ABCC8: variants seen among roughly 807,000 people sequenced by gnomAD.
The protein encoded by ABCC8 is ATP binding cassette subfamily C member 8.
Under a neutral mutation model 188.0 loss-of-function variants are expected in ABCC8, and 137 were observed. That is an observed-to-expected ratio of 0.73 (90% CI 0.63 to 0.84). The LOEUF is 0.84. Among genes scored for constraint, ABCC8 ranks in the 40% least tolerant of loss-of-function variants. The pLI is 0.00. For synonymous variants in ABCC8, 797 were observed against 846.5 expected, an observed-to-expected ratio of 0.94 and a Z score of 1.01; for missense variants, 1,750 against 2,072.7, an observed-to-expected ratio of 0.84 and a Z score of 3.02.
chr11:17,414,787 G>C, intron 18 of ABCC8, 177 bp from the exon 19 acceptor site: 3 of 781,506 alleles, frequency 3.8e-6, no homozygotes, highest in Non-Finnish European at 4.7e-6. Context: ...AGGTTTGAGA[G>C]GTCTGGGTCT....
intron 7 of ABCC8, among the ~76,000 whole-genome samples, chr11:17,450,250 TTC>T (rs1398018059): frequency 8.6e-5 from 6 of 70,162 alleles, no homozygotes; most frequent in Non-Finnish European, 1.5e-4. Context: ...TTCTTTTTCT[TTC>T]TTTCTTTCTC....
At chr11:17,397,577 A>G in intron 31 of ABCC8, 107 bp downstream of exon 31, 1 of 1,475,784 alleles carries the variant, frequency 6.8e-7, no homozygotes. Flanking sequence ...ATCAGATGCA[A>G]ATGAAATTGG....
At chr11:17,442,352 T>C (rs948813780) in intron 10 of ABCC8, among the ~76,000 whole-genome samples, 16 of 152,334 alleles carry the variant, frequency 1.1e-4, no homozygotes, top group African/African-American at 3.8e-4. Context: ...TCTGACTTAC[T>C]AAAAAGTCTT....
At chr11:17,424,843 G>A (rs752426716) in intron 16 of ABCC8, among the ~76,000 whole-genome samples, 6 of 152,202 alleles carry the variant, frequency 3.9e-5, no homozygotes, top group Non-Finnish European at 7.3e-5. Context: ...ACACTGACTA[G>A]TAAGTCACCC....
Position 17,469,155 on chromosome 11 carries a change from G to A in ABCC8, c.412+946C>T, listed in dbSNP as rs191507027. Among the ~76,000 whole-genome samples, 127 of 150,176 alleles carry A rather than the reference G, an allele frequency of 8.5e-4. 2 individuals carry two copies. The highest frequency in any genetic ancestry group is 2.9e-3 in the African/African-American group (118 of 40,790). On this transcript the variant is annotated intron_variant, in intron 3 of 38. Coordinates refer to ENST00000389817, the MANE Select transcript of ABCC8 (RefSeq NM_000352.6). Reference sequence around the variant, plus strand: ...CACCCAGGCTGGACTGCAGTGGCGCGATCTCAGCTCACTACAATCTCCACC... The same window carrying A: ...CACCCAGGCTGGACTGCAGTGGCGCAATCTCAGCTCACTACAATCTCCACC...
At chr11:17,428,240 C>T (rs1955677174) in intron 14 of ABCC8, 49 bp downstream of exon 14, 1 of 1,612,840 alleles carries the variant, frequency 6.2e-7, no homozygotes. Context: ...TGCTGAGCTC[C>T]CTCTGGGAGT....
chr11:17,433,787 T>C (rs904295716), intron 10 of ABCC8, among the ~76,000 whole-genome samples: 4 of 152,230 alleles, frequency 2.6e-5, no homozygotes, highest in African/African-American at 7.2e-5. Context: ...AGCCCTCGTA[T>C]GGCTGGGGCC....
intron 27 of ABCC8, among the ~76,000 whole-genome samples, chr11:17,405,261 C>T (rs1359016180): frequency 6.6e-6 from 1 of 152,250 alleles, no homozygotes; most frequent in East Asian, 1.9e-4. Flanking sequence ...TAGAGAAAGC[C>T]AGTGGGATCT....
rs750383415 is a variant in ABCC8 at position 17,476,729 on chromosome 11, C to T, written c.48G>A (p.Arg16=). 1.4e-5 allele frequency: 22 copies of T among 1,605,676 alleles called. No homozygotes were observed. The highest frequency in any genetic ancestry group is 1.4e-5 in the Non-Finnish European group (17 of 1,176,450). The change falls in exon 1 of 39, where the codon CGG becomes CGA. Residue 16 remains arginine, a synonymous_variant. Coordinates refer to ENST00000389817, the MANE Select transcript of ABCC8 (RefSeq NM_000352.6). ...CGTTGTTGAGGACCCCCTGGTCCAC[C>T]CGGTAGGCGGCCGAGTGGTTCTCGC... ...CGSENHSAAY[R]VDQGVLNNGC... is the part of the protein sequence containing the mutation.
intron 4 of ABCC8, 42 bp from the exon 5 acceptor site, chr11:17,461,867 T>A (rs1249178443): frequency 6.2e-7 from 1 of 1,611,636 alleles, no homozygotes; most frequent in Non-Finnish European, 8.5e-7. Context: ...AAGTCCAACT[T>A]CTCACCACTC....
At chr11:17,415,915 AG>A (rs1454284019) in intron 17 of ABCC8, among the ~76,000 whole-genome samples, 1 of 152,224 alleles carries the variant, frequency 6.6e-6, no homozygotes, top group African/African-American at 2.4e-5. Context: ...CAGGGATGTC[AG>A]GTGCAGTGCC....
intron 6 of ABCC8, among the ~76,000 whole-genome samples, chr11:17,456,449 T>C (rs985507081): frequency 6.6e-6 from 1 of 152,112 alleles, no homozygotes; most frequent in African/African-American, 2.4e-5. Flanking sequence ...AGAGGTATGA[T>C]TGGAAAGGTC....
In ABCC8 at chr11:17,427,809, C is replaced by G. The variant is rs911492130; in HGVS notation, c.2116+58G>C. The stretch of plus-strand genomic sequence containing the variant: ...TAAATGCAGCTTTGTCTTTTTATCT[C>G]TATGTTATTCAGTGGGACATGGGGA... On this transcript the variant is annotated intron_variant, in intron 15 of 38. Transcript: ENST00000389817. This position sits in a 1 kb window ranked among gnomAD's most constrained non-coding sequence, Gnocchi z 5.0. The G allele has an allele frequency of 2.5e-6, 4 of 1,599,494 alleles. No individual in the cohort carries two copies. In the African/African-American group the frequency reaches 4.0e-5, roughly 16 times the overall value.
intron 18 of ABCC8, 81 bp downstream of exon 18, chr11:17,415,223 C>G (rs1251511573): frequency 6.4e-7 from 1 of 1,551,626 alleles, no homozygotes; most frequent in Admixed American, 1.9e-5. Flanking sequence ...GGCTGCCCAG[C>G]AGGGTGATGT....
intron 2 of ABCC8, among the ~76,000 whole-genome samples, chr11:17,472,224 C>T (rs1227572286): frequency 1.3e-5 from 2 of 152,066 alleles, no homozygotes; most frequent in Non-Finnish European, 2.9e-5. Context: ...TTTTTAGCTG[C>T]TTTGTTAAAT....
Position 17,425,187 on chromosome 11 carries a change from G to A in ABCC8, c.2222+1862C>T, listed in dbSNP as rs564011906. 5.9e-5 allele frequency among the ~76,000 whole-genome samples: 9 copies of A among 152,260 alleles called. No homozygotes were observed. The South Asian group carries it at 1.7e-3, about 28-fold the overall frequency. ...TGAAAAATCTCCCAAATAAAATGGCGAATGGAGGCAAAGACCCCTCTGCCC... is the reference window on the plus strand; with the variant it reads ...TGAAAAATCTCCCAAATAAAATGGCAAATGGAGGCAAAGACCCCTCTGCCC... On this transcript the variant is annotated intron_variant, in intron 16 of 38. Transcript: ENST00000389817.
At chr11:17,443,604 G>A (rs909861404) in intron 8 of ABCC8, among the ~76,000 whole-genome samples, 3 of 152,170 alleles carry the variant, frequency 2.0e-5, no homozygotes, top group African/African-American at 7.2e-5. Flanking sequence ...TTTTCCAGAT[G>A]GAAATCTCAG....
intron 12 of ABCC8, 65 bp downstream of exon 12, chr11:17,430,749 G>C: frequency 2.6e-6 from 4 of 1,556,248 alleles, no homozygotes; most frequent in East Asian, 2.2e-5. Context: ...GCCATCACTC[G>C]AGCAAGCCTT....
chr11:17,450,384 TCC>T (rs1287114555), intron 7 of ABCC8, among the ~76,000 whole-genome samples: 5 of 126,514 alleles, frequency 4.0e-5, no homozygotes, highest in Non-Finnish European at 5.0e-5. Context: ...TTCTTTCCTT[TCC>T]TTTCCTTCTT....
Sources: gnomAD v4.1 joint callset for allele counts (sites outside exome capture counted in the v4.1 genomes callset) on GRCh38, gnomAD v4.1.1 for gene constraint, Gnocchi (gnomAD v3.1) non-coding constraint, MANE v1.5 for transcripts, NCBI Gene and HGNC (gene_info 2026-07-23, HGNC 2026-07-21) for gene names.